The following TEAD1 variants were observed in gnomAD, a reference collection of about 807,000 sequenced individuals.
TEAD1 encodes transcriptional enhancer factor TEF-1.
TEAD1 carries 9 observed loss-of-function variants against 54.9 expected under a neutral mutation model. The ratio of observed to expected loss-of-function variants is 0.16; its 90% CI spans 0.10 to 0.29. The LOEUF (loss-of-function observed/expected upper bound fraction) is 0.29, where lower values mean the gene tolerates loss of function less well. Among genes scored for constraint, TEAD1 ranks in the 10% least tolerant of loss-of-function variants. The pLI, the probability that TEAD1 is intolerant of heterozygous loss-of-function variation, is 1.00. For missense variants in TEAD1, 387 were observed against 535.9 expected (o/e 0.72, Z 2.74); for synonymous variants, 200 against 187.8 (o/e 1.07, Z -0.53).
chr11:12,902,006 T>C lies in TEAD1; in HGVS notation c.766T>C (p.Ser256Pro). 4 of 1,614,238 alleles carry C rather than the reference T, an allele frequency of 2.5e-6. No homozygotes were observed. The highest frequency in any genetic ancestry group is 3.4e-6 in the Non-Finnish European group (4 of 1,180,046). The change falls in exon 10 of 13, where the codon TCA becomes CCA. Residue 256 changes from serine to proline, a missense_variant. Ser to Pro is a moderately conservative substitution (Grantham distance 74, BLOSUM62 -1). Coordinates refer to ENST00000527636, the MANE Select transcript of TEAD1 (RefSeq NM_021961.6). ...TTCTTACAGTGACCCATTGCTTGAA[T>C]CAGTGGACATTCGTCAGATTTATGA...
intron 2 of TEAD1, among the ~76,000 whole-genome samples, chr11:12,746,351 A>G (rs1944745009): frequency 6.6e-6 from 1 of 152,222 alleles, no homozygotes; most frequent in Non-Finnish European, 1.5e-5. Flanking sequence ...AAAGCTGAGT[A>G]ATATTAGGAA....
intron 3 of TEAD1, among the ~76,000 whole-genome samples, chr11:12,809,935 A>G (rs1042255988): frequency 6.9e-6 from 1 of 144,334 alleles, no homozygotes; most frequent in African/African-American, 2.6e-5. Flanking sequence ...GTGGGTGAGG[A>G]GGTGTGGAGG....
chr11:12,719,613 G>A (rs970940324), intron 2 of TEAD1, among the ~76,000 whole-genome samples: 2 of 152,014 alleles, frequency 1.3e-5, no homozygotes, highest in African/African-American at 4.8e-5. Context: ...AAAAAGGTCA[G>A]GCTAGGGGCA....
intron 3 of TEAD1, among the ~76,000 whole-genome samples, chr11:12,765,371 G>A (rs571097709): frequency 6.6e-5 from 10 of 152,250 alleles, no homozygotes; most frequent in Middle Eastern, 3.4e-3. Flanking sequence ...GACAGAGTTC[G>A]CACTGTAGCT....
intron 2 of TEAD1, among the ~76,000 whole-genome samples, chr11:12,739,193 A>T (rs1054840186): frequency 6.8e-6 from 1 of 147,334 alleles, no homozygotes; most frequent in African/African-American, 2.6e-5. Flanking sequence ...TTGAGGTCTC[A>T]TTCTTTCTAT....
intron 3 of TEAD1, among the ~76,000 whole-genome samples, chr11:12,785,314 C>T (rs569433824): frequency 1.3e-5 from 2 of 152,250 alleles, no homozygotes; most frequent in South Asian, 2.1e-4. Context: ...CCAGAGATGC[C>T]CTTTTCCCGG....
Position 12,775,275 on chromosome 11 carries a change from A to G in TEAD1, c.202+10841A>G, listed in dbSNP as rs189463320. Among the ~76,000 whole-genome samples, 3 of 152,226 alleles carry G rather than the reference A, an allele frequency of 2.0e-5. No individual in the cohort carries two copies. In the East Asian group the frequency reaches 5.8e-4, roughly 29 times the overall value. Reference sequence around the variant, plus strand: ...CTTTTAGAGATCAGAGCCACAAATGATGGAAGGGACTGTTGCTGGGCAGAG... The same window carrying G: ...CTTTTAGAGATCAGAGCCACAAATGGTGGAAGGGACTGTTGCTGGGCAGAG... On this transcript the variant is annotated intron_variant, in intron 3 of 12. Transcript: ENST00000527636.
At chr11:12,860,414 T>C (rs1282270164) in intron 3 of TEAD1, among the ~76,000 whole-genome samples, 1 of 152,230 alleles carries the variant, frequency 6.6e-6, no homozygotes. Context: ...CTTCCAGTGA[T>C]GACCATGTCC....
chr11:12,728,395 T>C (rs895462235), intron 2 of TEAD1, among the ~76,000 whole-genome samples: 1 of 152,170 alleles, frequency 6.6e-6, no homozygotes, highest in African/African-American at 2.4e-5. Context: ...TTTATGTACT[T>C]CAAAGGTGTA....
chr11:12,758,768 C>T (rs1024835275), intron 2 of TEAD1, among the ~76,000 whole-genome samples: 7 of 152,134 alleles, frequency 4.6e-5, no homozygotes, highest in African/African-American at 1.7e-4. Context: ...GTCTCAAACT[C>T]CTGACCTCAA....
intron 3 of TEAD1, among the ~76,000 whole-genome samples, chr11:12,842,539 G>T (rs1947062143): frequency 6.6e-6 from 1 of 152,140 alleles, no homozygotes; most frequent in Non-Finnish European, 1.5e-5. Flanking sequence ...GAAATGCAGG[G>T]TGACTTTTAA....
intron 3 of TEAD1, among the ~76,000 whole-genome samples, chr11:12,857,646 C>T (rs1706820259): frequency 6.8e-6 from 1 of 147,732 alleles, no homozygotes; most frequent in Non-Finnish European, 1.5e-5. Flanking sequence ...GACTATGCTG[C>T]ATAGCTTGGA....
intron 3 of TEAD1, among the ~76,000 whole-genome samples, chr11:12,820,567 C>T (rs1024937123): frequency 2.3e-4 from 35 of 152,116 alleles, no homozygotes; most frequent in African/African-American, 7.7e-4. Context: ...TAAAAGAAGA[C>T]TTTGGAGTAG....
chr11:12,938,001 G>A lies in TEAD1; in HGVS notation c.*779G>A, dbSNP rs1042048942. 1 of 152,390 alleles carries A rather than the reference G, an allele frequency of 6.6e-6. No individual in the cohort carries two copies. The highest frequency in any genetic ancestry group is 1.5e-5 in the Non-Finnish European group (1 of 67,936). 9.4% of individuals were successfully genotyped at this position (152,390 alleles called of 1,614,324 possible). A position where few individuals can be genotyped will look rare whatever the true frequency, so the allele number is the denominator to read the frequency against. ...TAGTATATTTAAAAAATATAAAATT[G>A]TATTGTACTAATGTGATGATGGATT... On this transcript the variant is annotated 3_prime_UTR_variant, in exon 13 of 13. Transcript: ENST00000527636.
At chr11:12,712,053 G>T (rs921673624) in intron 2 of TEAD1, among the ~76,000 whole-genome samples, 2 of 152,076 alleles carry the variant, frequency 1.3e-5, no homozygotes, top group Admixed American at 6.5e-5. Context: ...GTCCATTTCT[G>T]GGCCCACTTG....
chr11:12,943,718 C>A lies in TEAD1; in HGVS notation c.*6496C>A, dbSNP rs539602342. The A allele has an allele frequency of 1.3e-5, 2 of 152,010 alleles. No homozygotes were observed. Among genetic ancestry groups the A allele is most frequent in the South Asian group, 2.1e-4 (1 of 4,808 alleles). The allele number at this position is 152,010 out of a possible 1,614,324, so 9.4% of individuals were successfully genotyped here. A position where few individuals can be genotyped will look rare whatever the true frequency, so the allele number is the denominator to read the frequency against. Reference sequence around the variant, plus strand: ...CTTTCTTTAAGAGAGGCTGACAGATCTAGGTGTCAATCAATTGGAAACCAG... The same window carrying A: ...CTTTCTTTAAGAGAGGCTGACAGATATAGGTGTCAATCAATTGGAAACCAG... On this transcript the variant is annotated 3_prime_UTR_variant, in exon 13 of 13. Coordinates refer to ENST00000527636, the MANE Select transcript of TEAD1 (RefSeq NM_021961.6).
intron 3 of TEAD1, among the ~76,000 whole-genome samples, chr11:12,798,208 G>A (rs991140445): frequency 1.3e-5 from 2 of 152,074 alleles, no homozygotes; most frequent in African/African-American, 4.8e-5. Flanking sequence ...TGGAGATGAC[G>A]TGTACCCATC....
intron 3 of TEAD1, among the ~76,000 whole-genome samples, chr11:12,778,068 A>AT (rs1409341286): frequency 1.3e-5 from 2 of 152,236 alleles, no homozygotes; most frequent in African/African-American, 4.8e-5. Context: ...AACACTTAGC[A>AT]TTAACCCATT....
At chr11:12,783,436 C>T (rs916852816) in intron 3 of TEAD1, among the ~76,000 whole-genome samples, 8 of 152,216 alleles carry the variant, frequency 5.3e-5, no homozygotes, top group African/African-American at 1.7e-4. Flanking sequence ...ACTTGGAAGA[C>T]ACGTGCCAAT....
Sources: gnomAD v4.1 joint callset for allele counts (sites outside exome capture counted in the v4.1 genomes callset) on GRCh38, gnomAD v4.1.1 for gene constraint, MANE v1.5 for transcripts, NCBI Gene and HGNC (gene_info 2026-07-23, HGNC 2026-07-21) for gene names.